PEAK1: variants seen among roughly 807,000 people sequenced by gnomAD.
PEAK1 encodes inactive tyrosine-protein kinase PEAK1.
PEAK1 carries 54 observed loss-of-function variants against 124.7 expected under a neutral mutation model. The ratio of observed to expected loss-of-function variants is 0.43; its 90% CI spans 0.35 to 0.54. PEAK1 has a LOEUF of 0.54. Among genes scored for constraint, PEAK1 ranks in the 20% least tolerant of loss-of-function variants. PEAK1 has a pLI of 0.01. For synonymous variants in PEAK1, 719 were observed against 760.0 expected, an observed-to-expected ratio of 0.95 and a Z score of 0.89; for missense variants, 2,046 against 2,134.5, an observed-to-expected ratio of 0.96 and a Z score of 0.82.
chr15:77,418,787 T>C, intron 1 of PEAK1: 3 of 985,352 alleles, frequency 3.0e-6, no homozygotes, highest in Non-Finnish European at 3.6e-6. Context: ...CAATATGGGT[T>C]CTCTGACTAT....
chr15:77,226,051 A>G (rs1443984082), intron 6 of PEAK1, among the ~76,000 whole-genome samples: 1 of 52,364 alleles, frequency 1.9e-5, no homozygotes, highest in Non-Finnish European at 4.3e-5. Context: ...AGGGATATAT[A>G]TATATATATA....
chr15:77,371,342 T>C, intron 1 of PEAK1: 2 of 912,768 alleles, frequency 2.2e-6, no homozygotes, highest in Non-Finnish European at 2.6e-6. Flanking sequence ...AATTATGCAG[T>C]ATAATAGAAA....
rs571760667 is a variant in PEAK1 at position 77,348,817 on chromosome 15, G to A, written c.-603+16346C>T. Reference sequence around the variant, plus strand: ...TTTTTGTGGGGGAGGGGGCGGGCAGGTGGGGGTAGAGTGGGGGTCTAACTG... The same window carrying A: ...TTTTTGTGGGGGAGGGGGCGGGCAGATGGGGGTAGAGTGGGGGTCTAACTG... On this transcript the variant is annotated intron_variant, in intron 2 of 9. Coordinates refer to ENST00000682557, the MANE Select transcript of PEAK1 (RefSeq NM_001385026.1). The A allele has an allele frequency of 1.4e-3, 1,022 of 752,064 alleles. 5 individuals carry two copies. The African/African-American group carries it at 0.015, about 11-fold the overall frequency. The allele number at this position is 752,064 out of a possible 1,614,324, so 46.6% of individuals were successfully genotyped here. A position where few individuals can be genotyped will look rare whatever the true frequency, so the allele number is the denominator to read the frequency against.
intron 2 of PEAK1, among the ~76,000 whole-genome samples, chr15:77,307,052 A>G (rs942221942): frequency 7.9e-5 from 12 of 152,232 alleles, no homozygotes; most frequent in Non-Finnish European, 1.3e-4. Flanking sequence ...TATTTCCTCA[A>G]TCACTTCTCT....
At chr15:77,103,523 A>G (rs1348793093), downstream of PEAK1, 1 of 152,218 alleles carries the variant, frequency 6.6e-6, no homozygotes, top group Non-Finnish European at 1.5e-5. Context: ...CCCTACAGCT[A>G]TATGCGTATG....
intron 6 of PEAK1, among the ~76,000 whole-genome samples, chr15:77,193,963 T>C (rs1307819636): frequency 6.6e-6 from 1 of 152,230 alleles, no homozygotes; most frequent in Non-Finnish European, 1.5e-5. Flanking sequence ...TTATAATCTA[T>C]ATTCCAGAAT....
intron 5 of PEAK1, among the ~76,000 whole-genome samples, chr15:77,281,821 G>A (rs927708756): frequency 1.3e-5 from 2 of 151,988 alleles, no homozygotes; most frequent in Non-Finnish European, 2.9e-5. Context: ...ATTTTTCTCC[G>A]ATAAATTCAA....
chr15:77,102,696 A>G (rs1339109153), exon 7 of PEAK1: 1 of 152,178 alleles, frequency 6.6e-6, no homozygotes, highest in Non-Finnish European at 1.5e-5. Context: ...TACTAGTTTC[A>G]TACTGATACT....
chr15:77,235,830 C>T (rs1203480035), intron 6 of PEAK1, among the ~76,000 whole-genome samples: 1 of 152,204 alleles, frequency 6.6e-6, no homozygotes, highest in Non-Finnish European at 1.5e-5. Flanking sequence ...AGACATGGTG[C>T]CCTGCGTCCC....
chr15:77,344,240 G>A (rs1252590738), intron 2 of PEAK1, among the ~76,000 whole-genome samples: 1 of 152,130 alleles, frequency 6.6e-6, no homozygotes, highest in South Asian at 2.1e-4. Flanking sequence ...GACTACAGGT[G>A]CCAGCCACCA....
At chr15:77,365,546 T>C (rs2068164152) in intron 1 of PEAK1, among the ~76,000 whole-genome samples, 3 of 152,282 alleles carry the variant, frequency 2.0e-5, no homozygotes, top group South Asian at 2.1e-4. Context: ...GAGAGCAACC[T>C]GGCCAATGTG....
chr15:77,260,820 C>A (rs1171455249), intron 5 of PEAK1, among the ~76,000 whole-genome samples: 1 of 152,142 alleles, frequency 6.6e-6, no homozygotes, highest in African/African-American at 2.4e-5. Flanking sequence ...GGACAGACTG[C>A]CTCGTCAAGT....
chr15:77,179,238 T>G lies in PEAK1; in HGVS notation c.2689A>C (p.Thr897Pro). 1 of 1,614,138 alleles carries G rather than the reference T, an allele frequency of 6.2e-7. No homozygotes were observed. Among genetic ancestry groups the G allele is most frequent in the Non-Finnish European group, 8.5e-7 (1 of 1,180,024 alleles). The stretch of plus-strand genomic sequence containing the variant: ...GCTTCTGTTGACCTGGTAGGGCTGG[T>G]TGGCTTGGTCCAGTTGGTGAAATGC... Reference protein sequence around the residue: ...QRHFTNWTKPTSPTRSTEAES... With the variant: ...QRHFTNWTKPPSPTRSTEAES... Residue 897 changes from threonine to proline, a missense_variant, in exon 7 of 10, where the codon ACC becomes CCC. By Grantham distance (38) the Thr-to-Pro change is conservative (BLOSUM62 -1). Coordinates refer to ENST00000682557, the MANE Select transcript of PEAK1 (RefSeq NM_001385026.1).
At position 77,158,927 on chromosome 15, in the gene PEAK1, T is replaced by G. The variant is rs2055390891; in HGVS notation, c.3138-231A>C. 2.0e-5 allele frequency among the ~76,000 whole-genome samples: 3 copies of G among 152,190 alleles called. No individual in the cohort carries two copies. In the South Asian group the frequency reaches 6.2e-4, roughly 32 times the overall value. On this transcript the variant is annotated intron_variant, in intron 7 of 9. Coordinates refer to ENST00000682557, the MANE Select transcript of PEAK1 (RefSeq NM_001385026.1). ...AGGTATGGTAGCCTGCAAGGGAACT[T>G]GAGAATAACAGTCAAAGAGTGAAAC...
intron 1 of PEAK1, among the ~76,000 whole-genome samples, chr15:77,370,225 CT>C: frequency 6.6e-6 from 1 of 152,296 alleles, no homozygotes; most frequent in Middle Eastern, 3.4e-3. Flanking sequence ...GACTTCCTTT[CT>C]CCACCTATCC....
At chr15:77,402,860 C>A (rs1311174965) in intron 1 of PEAK1, 2 of 985,144 alleles carry the variant, frequency 2.0e-6, no homozygotes, top group African/African-American at 3.5e-5. Context: ...TGGGAAATAT[C>A]TAAACTTTCA....
At position 77,179,372 on chromosome 15, in the gene PEAK1, G is replaced by A. The variant is rs758329355; in HGVS notation, c.2555C>T (p.Thr852Ile). 1 of 1,614,074 alleles carries A rather than the reference G, an allele frequency of 6.2e-7. No individual in the cohort carries two copies. The highest frequency in any genetic ancestry group is 2.2e-5 in the East Asian group (1 of 44,882). ...AGTCACTAATTTGGAGGGAGAGGGGGTGACTGGCTTTATGGATGGGTCTTT... is the reference window on the plus strand; with the variant it reads ...AGTCACTAATTTGGAGGGAGAGGGGATGACTGGCTTTATGGATGGGTCTTT... ...VQKDPSIKPVTPSPSKLVTSP... is the reference protein window; with the variant it reads ...VQKDPSIKPVIPSPSKLVTSP... The change falls in exon 7 of 10, where the codon ACC becomes ATC. Residue 852 changes from threonine to isoleucine, a missense_variant. Transcript: ENST00000682557.
intron 2 of PEAK1, chr15:77,349,938 T>C (rs1215802709): frequency 2.2e-5 from 22 of 984,494 alleles, no homozygotes; most frequent in Non-Finnish European, 2.5e-5. Context: ...GAAGAAAATA[T>C]ACATCTGCTC....
chr15:77,401,892 A>G, intron 1 of PEAK1: 1 of 985,332 alleles, frequency 1.0e-6, no homozygotes, highest in Non-Finnish European at 1.2e-6. Flanking sequence ...CAAGATACAG[A>G]AGTAGCAAGA....
Sources: gnomAD v4.1 joint callset for allele counts (sites outside exome capture counted in the v4.1 genomes callset) on GRCh38, gnomAD v4.1.1 for gene constraint, MANE v1.5 for transcripts, NCBI Gene and HGNC (gene_info 2026-07-23, HGNC 2026-07-21) for gene names.